Variants in WDR73 observed in about 807,000 individuals in gnomAD.
The protein encoded by WDR73 is WD repeat domain 73, also known as integrator complex assembly factor WDR73.
Under a neutral mutation model 38.2 loss-of-function variants are expected in WDR73, and 30 were observed. The observed-to-expected ratio is 0.79, with a 90% CI of 0.59 to 1.06. WDR73 has a LOEUF of 1.06. Ranked by LOEUF, WDR73 falls within the 50% of genes least tolerant of loss-of-function variation. WDR73 has a pLI of 0.00. For missense variants in WDR73, 487 were observed against 467.0 expected (o/e 1.04, Z -0.40); for synonymous variants, 197 against 176.0 (o/e 1.12, Z -0.94).
chr15:84,654,214 C>G lies in WDR73; in HGVS notation c.41+20G>C. 2 of 1,603,830 alleles carry G rather than the reference C, an allele frequency of 1.2e-6. No homozygotes were observed. The highest frequency in any genetic ancestry group is 1.7e-6 in the Non-Finnish European group (2 of 1,170,334). On this transcript the variant is annotated intron_variant, in intron 1 of 7. Transcript: ENST00000434634. ...CAAGCTCCAGGCCCAGCTCCCATGT[C>G]CCAGCCCCGTACGATTTACAAGCGC...
Position 84,646,362 on chromosome 15 carries a change from A to AAC in WDR73, c.353-15_353-14insGT. The AAC allele has an allele frequency of 6.3e-7, 1 of 1,599,324 alleles. No individual in the cohort carries two copies. Among genetic ancestry groups the AAC allele is most frequent in the Non-Finnish European group, 8.6e-7 (1 of 1,168,954 alleles). On this transcript the variant is annotated splice_polypyrimidine_tract_variant and intron_variant, in intron 5 of 7. Coordinates refer to ENST00000434634, the MANE Select transcript of WDR73 (RefSeq NM_032856.5). ...CTTTAATGACATCTAGGGGAAAACG[A>AAC]AGAGGCCAAAATCCAGAACTTTAAT... is the stretch of plus-strand genomic sequence containing the variant.
intron 3 of WDR73, 69 bp from the exon 4 acceptor site, chr15:84,648,694 A>G (rs973930265): frequency 1.6e-6 from 2 of 1,262,000 alleles, no homozygotes; most frequent in South Asian, 2.4e-5. Context: ...ACTCTAAGTG[A>G]GGAGTCAGGT....
intron 1 of WDR73, 86 bp downstream of exon 1, chr15:84,654,148 A>C: frequency 4.4e-6 from 7 of 1,573,636 alleles, no homozygotes; most frequent in African/African-American, 1.3e-5. Context: ...CTGCACCAGG[A>C]TCCCCAACGT....
At position 84,639,842 on chromosome 15, in the gene WDR73, G is replaced by C. The variant is rs1311974980; in HGVS notation, c.*3628C>G. On this transcript the variant is annotated 3_prime_UTR_variant, in exon 8 of 8. Coordinates refer to ENST00000434634, the MANE Select transcript of WDR73 (RefSeq NM_032856.5). The stretch of plus-strand genomic sequence containing the variant: ...TGTACCGGATTATGGCTGAGCAGCT[G>C]TGAGAACATGGCTTCCTGTGGACCC... 6.6e-6 allele frequency: 1 copy of C among 152,264 alleles called. No homozygotes were observed. Among genetic ancestry groups the C allele is most frequent in the East Asian group, 1.9e-4 (1 of 5,208 alleles). 9.4% of individuals were successfully genotyped at this position (152,264 alleles called of 1,614,324 possible).
intron 2 of WDR73, chr15:84,653,030 C>A: frequency 2.4e-6 from 1 of 410,674 alleles, no homozygotes. Context: ...GTGATCCTCC[C>A]ACCACAGCCT....
At position 84,639,684 on chromosome 15, in the gene WDR73, T is replaced by G. The variant is rs1896200095; in HGVS notation, c.*3786A>C. ...AGAAAAGCCAAGACCTGGAGCGAGC[T>G]GGAGTGGCAGGCCCTGGAGGATGAG... is the stretch of plus-strand genomic sequence containing the variant. On this transcript the variant is annotated 3_prime_UTR_variant, in exon 8 of 8. Transcript: ENST00000434634. The G allele has an allele frequency of 1.3e-5, 2 of 152,442 alleles. No individual in the cohort carries two copies. Among genetic ancestry groups the G allele is most frequent in the Non-Finnish European group, 2.9e-5 (2 of 68,222 alleles). 9.4% of individuals were successfully genotyped at this position (152,442 alleles called of 1,614,324 possible). A position where few individuals can be genotyped will look rare whatever the true frequency, so the allele number is the denominator to read the frequency against.
Position 84,645,695 on chromosome 15 carries a change from CCAG to C in WDR73, c.656_658del (p.Pro219_Gly220delinsArg). The C allele has an allele frequency of 6.2e-7, 1 of 1,609,202 alleles. No individual in the cohort carries two copies. The highest frequency in any genetic ancestry group is 1.1e-5 in the South Asian group (1 of 90,280). On this transcript the variant is annotated inframe_deletion, in exon 7 of 8. Coordinates refer to ENST00000434634, the MANE Select transcript of WDR73 (RefSeq NM_032856.5). ...AGCACACCATCTCTCTCCACCAGAC[CCAG>C]GGCCAGGGCTGCGATTCTCCAACGG... is the stretch of plus-strand genomic sequence containing the variant.
intron 7 of WDR73, 179 bp from the exon 8 acceptor site, chr15:84,643,902 GC>G: frequency 3.0e-6 from 2 of 675,562 alleles, no homozygotes; most frequent in South Asian, 4.7e-5. Flanking sequence ...CAGGCACCCA[GC>G]CCCTAAAATA....
rs561977176 is a variant in WDR73 at position 84,654,265 on chromosome 15, C to G, written c.10G>C (p.Gly4Arg). 3 of 1,613,976 alleles carry G rather than the reference C, an allele frequency of 1.9e-6. No individual in the cohort carries two copies. The highest frequency in any genetic ancestry group is 1.1e-5 in the South Asian group (1 of 91,090). Residue 4 changes from glycine to arginine, a missense_variant, in exon 1 of 8, where the codon GGG becomes CGG. By Grantham distance (125) the Gly-to-Arg change is moderately radical. Transcript: ENST00000434634. MDP[G>R]DDWLVESLRL... ...AAGGATTCCACCAGCCAGTCGTCCC[C>G]AGGATCCATGGCAACGACCGCTTCC...
Position 84,645,649 on chromosome 15 carries a change from C to T in WDR73, c.705G>A (p.Gln235=). The T allele has an allele frequency of 6.2e-7, 1 of 1,608,182 alleles. No individual in the cohort carries two copies. The highest frequency in any genetic ancestry group is 1.1e-5 in the South Asian group (1 of 90,234). The change falls in exon 7 of 8, where the codon CAG becomes CAA. Residue 235 remains glutamine, a synonymous_variant. Coordinates refer to ENST00000434634, the MANE Select transcript of WDR73 (RefSeq NM_032856.5). The stretch of plus-strand genomic sequence containing the variant: ...GGCTGGCAATGCTGGGCCCAGGGCC[C>T]TGGCCCCAGCTCCCAACTTCAGCAC... ...RWCAEVGSWG[Q]GPGPSIASLG... is the part of the protein sequence containing the mutation.
chr15:84,654,064 T>C, intron 1 of WDR73, 170 bp downstream of exon 1: 2 of 856,548 alleles, frequency 2.3e-6, no homozygotes, highest in Non-Finnish European at 1.8e-6. Context: ...AAGGAGCCAT[T>C]TCCTAGAGAT....
chr15:84,644,115 T>C (rs1896363816), intron 7 of WDR73: 2 of 204,122 alleles, frequency 9.8e-6, no homozygotes, highest in African/African-American at 4.8e-5. Context: ...TTAGCTCTTT[T>C]AATCCTCAGA....
At chr15:84,647,177 G>GC (rs1896489626) in intron 5 of WDR73, 1 of 152,380 alleles carries the variant, frequency 6.6e-6, no homozygotes, top group Non-Finnish European at 1.5e-5. Context: ...ACAGGCATGA[G>GC]CCACTGCGCC....
intron 5 of WDR73, 149 bp from the exon 6 acceptor site, chr15:84,646,497 T>G (rs1287640702): frequency 8.6e-7 from 1 of 1,167,704 alleles, no homozygotes; most frequent in East Asian, 2.5e-5. Flanking sequence ...ACATAACTAC[T>G]CTGGCTTATG....
chr15:84,649,867 A>G (rs1036768475), intron 3 of WDR73, among the ~76,000 whole-genome samples: 3 of 152,170 alleles, frequency 2.0e-5, no homozygotes, highest in African/African-American at 7.2e-5. Flanking sequence ...CCTCAGCTTC[A>G]AAAAGTGCTG....
Position 84,653,648 on chromosome 15 carries a change from T to C in WDR73, c.93A>G (p.Glu31=), listed in dbSNP as rs768522336. The C allele has an allele frequency of 2.5e-6, 4 of 1,593,476 alleles. No homozygotes were observed. Among genetic ancestry groups the C allele is most frequent in the Non-Finnish European group, 3.4e-6 (4 of 1,169,612 alleles). The part of the protein sequence containing the change: ...FDLSGATRVL[E]WIDDKGVFVA... ...GTATACCACCTTTGTCATCAATCCA[T>C]TCAAGGACTCGAGTGGCTCCTGACA... is the stretch of plus-strand genomic sequence containing the variant. The change falls in exon 2 of 8, where the codon GAA becomes GAG. Residue 31 remains glutamate (E), a synonymous_variant. Coordinates refer to ENST00000434634, the MANE Select transcript of WDR73 (RefSeq NM_032856.5).
At chr15:84,643,815 C>A (rs575525501) in intron 7 of WDR73, 92 bp from the exon 8 acceptor site, 13 of 1,391,140 alleles carry the variant, frequency 9.3e-6, no homozygotes, top group Non-Finnish European at 1.1e-5. Context: ...TGGGGTTTCA[C>A]CATGTTGACC....
At chr15:84,643,942 A>C in intron 7 of WDR73, 1 of 481,650 alleles carries the variant, frequency 2.1e-6, no homozygotes, top group Non-Finnish European at 3.5e-6. Context: ...ATGGTACCAA[A>C]ACAGGCTATT....
chr15:84,647,891 A>G lies in WDR73; in HGVS notation c.351T>C (p.Ser117=). Residue 117 remains serine, a splice_region_variant and synonymous_variant, in exon 5 of 8, where the codon AGT becomes AGC. Transcript: ENST00000434634. ...YLQVWQVAED[S]DVIKAVSTIA... is the part of the protein sequence containing the mutation. ...CCCCATCAAGTCAAATTCACTCACCACTGTCCTCTGCAACCTGCCACACCT... is the reference window on the plus strand; with the variant it reads ...CCCCATCAAGTCAAATTCACTCACCGCTGTCCTCTGCAACCTGCCACACCT... The G allele has an allele frequency of 6.2e-7, 1 of 1,613,862 alleles. No individual in the cohort carries two copies.
Sources: allele counts gnomAD v4.1 joint callset (sites outside exome capture counted in the v4.1 genomes callset), GRCh38; gene constraint gnomAD v4.1.1; transcripts MANE v1.5; gene names NCBI Gene and HGNC (gene_info 2026-07-23, HGNC 2026-07-21).